The following CSMD3 variants were observed in gnomAD, a reference collection of about 807,000 sequenced individuals.
The protein encoded by CSMD3 is CUB and sushi domain-containing protein 3.
Under a neutral mutation model 435.2 loss-of-function variants are expected in CSMD3, and 177 were observed. The observed-to-expected ratio is 0.41, with a 90% CI of 0.36 to 0.46. The LOEUF is 0.46. Ranked by LOEUF, CSMD3 falls within the 20% of genes least tolerant of loss-of-function variation. The pLI is 0.34. For missense variants in CSMD3, 4,265 were observed against 4,504.6 expected, an observed-to-expected ratio of 0.95 and a Z score of 1.52; for synonymous variants, 1,656 against 1,520.5, an observed-to-expected ratio of 1.09 and a Z score of -2.07.
At chr8:112,389,621 A>AT (rs571711116) in intron 36 of CSMD3, among the ~76,000 whole-genome samples, 55 of 152,052 alleles carry the variant, frequency 3.6e-4, no homozygotes, top group Admixed American at 9.8e-4. Flanking sequence ...CATGAAGCTG[A>AT]TTTTTTTTAC....
intron 22 of CSMD3, among the ~76,000 whole-genome samples, chr8:112,609,735 C>A (rs1563765084): frequency 6.6e-6 from 1 of 151,798 alleles, no homozygotes; most frequent in Non-Finnish European, 1.5e-5. Context: ...TCACAGTTGC[C>A]AAGATATAGA....
intron 9 of CSMD3, among the ~76,000 whole-genome samples, chr8:112,941,071 G>A (rs2083437944): frequency 6.6e-6 from 1 of 151,674 alleles, no homozygotes; most frequent in Non-Finnish European, 1.5e-5. Flanking sequence ...CATGAGCTAA[G>A]AAGTTAAGAA....
chr8:112,398,823 T>G (rs1406019222), intron 35 of CSMD3, among the ~76,000 whole-genome samples: 1 of 152,208 alleles, frequency 6.6e-6, no homozygotes, highest in Non-Finnish European at 1.5e-5. Context: ...TTTAGATGGC[T>G]AACTAATGCT....
intron 4 of CSMD3, among the ~76,000 whole-genome samples, chr8:113,116,314 T>G (rs1019820636): frequency 2.0e-5 from 3 of 152,146 alleles, no homozygotes; most frequent in Non-Finnish European, 4.4e-5. Context: ...TCACAAGATC[T>G]TATGGTTATA....
At chr8:112,684,280 G>A (rs990412583) in intron 15 of CSMD3, among the ~76,000 whole-genome samples, 19 of 151,850 alleles carry the variant, frequency 1.3e-4, no homozygotes, top group South Asian at 2.1e-4. Context: ...ACATGTCACC[G>A]CTAATTTAAC....
intron 32 of CSMD3, among the ~76,000 whole-genome samples, chr8:112,466,704 G>C (rs1429940094): frequency 2.0e-5 from 3 of 152,032 alleles, no homozygotes; most frequent in African/African-American, 7.2e-5. Flanking sequence ...ACCATTTACA[G>C]GTTAACAATT....
chr8:112,700,039 A>G (rs550602627), intron 13 of CSMD3, among the ~76,000 whole-genome samples: 1 of 151,812 alleles, frequency 6.6e-6, no homozygotes, highest in South Asian at 2.1e-4. Context: ...ATTTATGTTG[A>G]TTTTCTGATT....
chr8:112,326,587 G>T (rs1235961826), intron 45 of CSMD3, among the ~76,000 whole-genome samples: 1 of 152,198 alleles, frequency 6.6e-6, no homozygotes, highest in Non-Finnish European at 1.5e-5. Context: ...CAGCATTTCT[G>T]CTGTGATGAT....
intron 59 of CSMD3, among the ~76,000 whole-genome samples, chr8:112,269,492 T>A (rs1404551268): frequency 6.6e-6 from 1 of 152,122 alleles, no homozygotes; most frequent in Non-Finnish European, 1.5e-5. Context: ...AGCACATGTC[T>A]TTTCAGACCA....
At chr8:112,703,884 T>C (rs16883975) in intron 13 of CSMD3, among the ~76,000 whole-genome samples, 1,802 of 152,180 alleles carry the variant, frequency 0.012, 38 homozygotes, top group African/African-American at 0.041. Flanking sequence ...CAGAAAGTAA[T>C]GAAAGGCATA....
intron 5 of CSMD3, among the ~76,000 whole-genome samples, chr8:113,064,357 A>G (rs2088757578): frequency 6.6e-6 from 1 of 152,036 alleles, no homozygotes; most frequent in African/African-American, 2.4e-5. Context: ...TAAAATATAT[A>G]GAGAGAGATA....
chr8:112,427,243 T>C (rs560834444), intron 32 of CSMD3, among the ~76,000 whole-genome samples: 52 of 152,244 alleles, frequency 3.4e-4, no homozygotes, highest in Non-Finnish European at 5.6e-4. Context: ...ATAAAAGATA[T>C]ATGCTGATAT....
intron 28 of CSMD3, among the ~76,000 whole-genome samples, chr8:112,507,478 T>C (rs1465578576): frequency 6.6e-6 from 1 of 152,156 alleles, no homozygotes; most frequent in Admixed American, 6.6e-5. Context: ...ATGGAGGTCT[T>C]CGTGGTGGGA....
At chr8:113,386,192 C>T (rs1760612945) in intron 1 of CSMD3, among the ~76,000 whole-genome samples, 1 of 151,850 alleles carries the variant, frequency 6.6e-6, no homozygotes, top group South Asian at 2.1e-4. Flanking sequence ...TAGCTCTTCC[C>T]TCCCTTGCCT....
At chr8:112,733,558 A>T (rs189133468) in intron 13 of CSMD3, among the ~76,000 whole-genome samples, 4 of 152,186 alleles carry the variant, frequency 2.6e-5, no homozygotes, top group African/African-American at 9.6e-5. Flanking sequence ...AAGAAAAACT[A>T]CAGACATAAA....
At chr8:112,241,851 C>T in intron 65 of CSMD3, 66 bp from the exon 66 acceptor site, 1 of 842,628 alleles carries the variant, frequency 1.2e-6, no homozygotes, top group Non-Finnish European at 2.1e-6. Flanking sequence ...TGCGCACACA[C>T]ACACACGCAC....
intron 23 of CSMD3, among the ~76,000 whole-genome samples, chr8:112,575,913 A>G (rs1829904003): frequency 6.6e-6 from 1 of 152,116 alleles, no homozygotes; most frequent in African/African-American, 2.4e-5. Flanking sequence ...CACATTCACA[A>G]TCAAATCATT....
At chr8:113,154,085 T>A (rs997213662) in intron 4 of CSMD3, among the ~76,000 whole-genome samples, 1 of 152,070 alleles carries the variant, frequency 6.6e-6, no homozygotes, top group Non-Finnish European at 1.5e-5. Context: ...TAGTTCTTTT[T>A]TATTTGGACC....
intron 12 of CSMD3, among the ~76,000 whole-genome samples, chr8:112,819,759 G>C (rs1262437136): frequency 1.3e-5 from 2 of 152,162 alleles, no homozygotes; most frequent in African/African-American, 2.4e-5. Context: ...TAACTTCTCA[G>C]AGTGACGACA....
Sources: gnomAD v4.1 joint callset for allele counts (sites outside exome capture counted in the v4.1 genomes callset) on GRCh38, gnomAD v4.1.1 for gene constraint, MANE v1.5 for transcripts, NCBI Gene and HGNC (gene_info 2026-07-23, HGNC 2026-07-21) for gene names.